The following GALNT2 variants were observed in gnomAD, a reference collection of about 807,000 sequenced individuals.
GALNT2 encodes the protein UDP-GalNAc:polypeptide N-acetylgalactosaminyltransferase 2.
A neutral mutation model predicts 81.4 loss-of-function variants in GALNT2; 31 were observed. The ratio of observed to expected loss-of-function variants is 0.38; its 90% CI spans 0.29 to 0.51. The LOEUF (loss-of-function observed/expected upper bound fraction) is 0.51, where lower values mean the gene tolerates loss of function less well. Among genes scored for constraint, GALNT2 ranks in the 20% least tolerant of loss-of-function variants. The pLI, the probability that GALNT2 is intolerant of heterozygous loss-of-function variation, is 0.87. For synonymous variants in GALNT2, 303 were observed against 287.4 expected (o/e 1.05, Z -0.55); for missense variants, 629 against 765.7 (o/e 0.82, Z 2.11).
chr1:230,253,954 G>A (rs1450441412), intron 10 of GALNT2, among the ~76,000 whole-genome samples: 1 of 151,756 alleles, frequency 6.6e-6, no homozygotes, highest in Non-Finnish European at 1.5e-5. Flanking sequence ...TAATTTCCTG[G>A]GAATACTATC....
chr1:230,260,883 GTC>G (rs1031806681), intron 11 of GALNT2, among the ~76,000 whole-genome samples: 2 of 152,066 alleles, frequency 1.3e-5, no homozygotes, highest in African/African-American at 2.4e-5. Context: ...ATCTATTTCT[GTC>G]TCTCTCTCTT....
chr1:230,142,449 G>A (rs781319701), intron 1 of GALNT2, among the ~76,000 whole-genome samples: 2 of 152,152 alleles, frequency 1.3e-5, no homozygotes, highest in East Asian at 1.9e-4. Context: ...ATCCAGCCCC[G>A]CCAGCTGATC....
At chr1:230,151,032 C>CT (rs1662079576) in intron 1 of GALNT2, among the ~76,000 whole-genome samples, 2 of 152,230 alleles carry the variant, frequency 1.3e-5, no homozygotes, top group African/African-American at 2.4e-5. Flanking sequence ...TTGTTGAACT[C>CT]TTTCCTATTT....
intron 1 of GALNT2, among the ~76,000 whole-genome samples, chr1:230,177,101 T>TA (rs1558125471): frequency 6.6e-6 from 1 of 152,256 alleles, no homozygotes; most frequent in Non-Finnish European, 1.5e-5. Flanking sequence ...ACCTCTTGAG[T>TA]AAAAATGCAG....
chr1:230,076,059 C>T (rs1196633214), intron 1 of GALNT2, among the ~76,000 whole-genome samples: 2 of 152,168 alleles, frequency 1.3e-5, no homozygotes, highest in Admixed American at 6.5e-5. Context: ...ACATCTTGGT[C>T]ACCTGTTCTT....
chr1:230,206,482 A>T (rs562104958), intron 3 of GALNT2, among the ~76,000 whole-genome samples: 2 of 152,298 alleles, frequency 1.3e-5, no homozygotes, highest in East Asian at 3.9e-4. Context: ...AGTCAATTGG[A>T]TGCCTAGAGC....
rs548617918 is a variant in GALNT2 at position 230,238,236 on chromosome 1, T to A, written c.607+1511T>A. 2.0e-5 allele frequency among the ~76,000 whole-genome samples: 3 copies of A among 152,310 alleles called. No individual in the cohort carries two copies. The South Asian group carries it at 6.2e-4, about 32-fold the overall frequency. On this transcript the variant is annotated intron_variant, in intron 6 of 15. Transcript: ENST00000366672. ...GTAGTGATGCTACTAGATGACAAAG[T>A]AAATTAATTGCCTAAAATATTATGG...
chr1:230,069,291 G>GTTTTGTTTTGTTTTGT (rs1553309230), intron 1 of GALNT2, among the ~76,000 whole-genome samples: 1 of 151,094 alleles, frequency 6.6e-6, no homozygotes, highest in Admixed American at 6.6e-5. Context: ...GTTTTGTTTT[G>GTTTTGTTTTGTTTTGT]TTTTTTTTAA....
chr1:230,162,883 A>G (rs538516057), intron 1 of GALNT2, among the ~76,000 whole-genome samples: 2 of 152,276 alleles, frequency 1.3e-5, no homozygotes, highest in East Asian at 3.9e-4. Context: ...ACATTTCCAC[A>G]TGACTGTCCA....
At chr1:230,177,235 C>T (rs1421185422) in intron 1 of GALNT2, among the ~76,000 whole-genome samples, 1 of 152,254 alleles carries the variant, frequency 6.6e-6, no homozygotes, top group African/African-American at 2.4e-5. Flanking sequence ...CAGTGGTGAA[C>T]GTGCGTGCAG....
chr1:230,164,870 C>A (rs542038231), intron 1 of GALNT2, among the ~76,000 whole-genome samples: 2 of 152,212 alleles, frequency 1.3e-5, no homozygotes, highest in African/African-American at 4.8e-5. Flanking sequence ...AGGGAGGCTA[C>A]CTGAGATTCT....
Position 230,275,114 on chromosome 1 carries a change from A to G in GALNT2, c.1560+550A>G, listed in dbSNP as rs1315232115. The stretch of plus-strand genomic sequence containing the variant: ...ATATACATGTATACACACCACATAT[A>G]TATACATATATATACACACCACATA... On this transcript the variant is annotated intron_variant, in intron 15 of 15. Transcript: ENST00000366672. The surrounding 1 kb of genome is among the most constrained non-coding windows in gnomAD (Gnocchi z 5.5). Among the ~76,000 whole-genome samples the G allele has an allele frequency of 7.2e-6, 1 of 139,516 alleles. No individual in the cohort carries two copies. The highest frequency in any genetic ancestry group is 1.5e-5 in the Non-Finnish European group (1 of 67,432). The allele number at this position is 139,516 out of a possible 152,430, so 91.5% of individuals were successfully genotyped here. A position where few individuals can be genotyped will look rare whatever the true frequency, so the allele number is the denominator to read the frequency against.
intron 1 of GALNT2, among the ~76,000 whole-genome samples, chr1:230,124,224 G>A (rs12733702): frequency 0.03 from 4,558 of 152,304 alleles, 92 homozygotes; most frequent in Non-Finnish European, 0.049. Context: ...CTTTCTGGGG[G>A]TTAATTTTAT....
chr1:230,099,842 T>C (rs1371917823), intron 1 of GALNT2, among the ~76,000 whole-genome samples: 4 of 152,212 alleles, frequency 2.6e-5, no homozygotes, highest in South Asian at 2.1e-4. Flanking sequence ...CTTGTCCCCA[T>C]GTCTGCAGTG....
intron 1 of GALNT2, among the ~76,000 whole-genome samples, chr1:230,097,551 C>T (rs1304066427): frequency 6.6e-6 from 1 of 152,180 alleles, no homozygotes; most frequent in Non-Finnish European, 1.5e-5. Context: ...CAAGATTCAT[C>T]CCTGTTAGAG....
At chr1:230,107,575 TAAA>T (rs5781564) in intron 1 of GALNT2, among the ~76,000 whole-genome samples, 10 of 146,096 alleles carry the variant, frequency 6.8e-5, no homozygotes, top group African/African-American at 2.3e-4. Flanking sequence ...GCAAGAATGT[TAAA>T]AAAAAAAAAT....
intron 1 of GALNT2, among the ~76,000 whole-genome samples, chr1:230,080,009 G>T (rs909126664): frequency 6.6e-6 from 1 of 152,184 alleles, no homozygotes; most frequent in Non-Finnish European, 1.5e-5. Context: ...AGGGATAGAG[G>T]TAAAGTTTCC....
chr1:230,251,393 G>A (rs1322559925), intron 10 of GALNT2, among the ~76,000 whole-genome samples: 1 of 152,016 alleles, frequency 6.6e-6, no homozygotes, highest in Non-Finnish European at 1.5e-5. Flanking sequence ...GAAAGTTTTT[G>A]TTACTTTAAA....
chr1:230,211,851 A>G (rs1182835243), intron 3 of GALNT2, among the ~76,000 whole-genome samples: 1 of 152,208 alleles, frequency 6.6e-6, no homozygotes, highest in African/African-American at 2.4e-5. Context: ...ATGATGTCGT[A>G]TACCAGTTCC....
Sources: allele counts gnomAD v4.1 joint callset (sites outside exome capture counted in the v4.1 genomes callset), GRCh38; gene constraint gnomAD v4.1.1; non-coding constraint Gnocchi (gnomAD v3.1); transcripts MANE v1.5; gene names NCBI Gene and HGNC (gene_info 2026-07-23, HGNC 2026-07-21).